TMCO5A: variants seen among roughly 807,000 people sequenced by gnomAD.
TMCO5A encodes the protein transmembrane and coiled-coil domains 5A.
A neutral mutation model predicts 42.3 loss-of-function variants in TMCO5A; 34 were observed. That is an observed-to-expected ratio of 0.80 (90% confidence interval 0.61 to 1.07). The LOEUF (loss-of-function observed/expected upper bound fraction) is 1.07, where lower values mean the gene tolerates loss of function less well. TMCO5A is among the 50% of genes least tolerant of loss of function. The pLI is 0.00. For missense variants in TMCO5A, 357 were observed against 327.9 expected (o/e 1.09, Z -0.69); for synonymous variants, 131 against 115.6 (o/e 1.13, Z -0.86).
chr15:38,025,162 G>A, the TMCO5A span: 5 of 147,488 alleles, frequency 3.4e-5, no homozygotes, highest in Non-Finnish European at 7.5e-5. Flanking sequence ...ACAGCTTTTG[G>A]GTGTGTGTGT....
At chr15:38,020,901 T>C in the TMCO5A span, among the ~76,000 whole-genome samples, 4,932 of 152,238 alleles carry the variant, frequency 0.032, 295 homozygotes, top group African/African-American at 0.11. Flanking sequence ...TTTAGTAAGG[T>C]TGGTTTCAGG....
At chr15:38,010,425 T>TCTCACACACACACACA in the TMCO5A span, among the ~76,000 whole-genome samples, 8,726 of 117,268 alleles carry the variant, frequency 0.074, 508 homozygotes, top group Non-Finnish European at 0.1. Flanking sequence ...CAGAGGGAGA[T>TCTCACACACACACACA]CACACACACA....
intron 11 of TMCO5A, among the ~76,000 whole-genome samples, chr15:37,950,028 G>A (rs1423601205): frequency 1.3e-5 from 2 of 152,178 alleles, no homozygotes; most frequent in African/African-American, 2.4e-5. Flanking sequence ...CCATAAGGCC[G>A]CTTGAGTGTC....
At chr15:37,935,954 G>A (rs1239610174) in intron 2 of TMCO5A, 1 of 158,964 alleles carries the variant, frequency 6.3e-6, no homozygotes, top group African/African-American at 2.4e-5. Flanking sequence ...AATGTGTATT[G>A]TATGAGCAGG....
chr15:37,981,562 G>C, the TMCO5A span, among the ~76,000 whole-genome samples: 48 of 152,160 alleles, frequency 3.2e-4, no homozygotes, highest in Non-Finnish European at 6.6e-4. Flanking sequence ...AGCGCATGTA[G>C]GTTCAGCTAC....
chr15:37,971,986 C>A (rs868569373), downstream of TMCO5A, among the ~76,000 whole-genome samples: 3 of 152,332 alleles, frequency 2.0e-5, no homozygotes, highest in South Asian at 2.1e-4. Context: ...TACCAAGTTC[C>A]AAAGTTGCTT....
chr15:37,950,797 G>T (rs901210189), intron 11 of TMCO5A, among the ~76,000 whole-genome samples: 16 of 151,944 alleles, frequency 1.1e-4, no homozygotes, highest in African/African-American at 3.9e-4. Flanking sequence ...AAAAATCAGA[G>T]AACAAAATTA....
the TMCO5A span, among the ~76,000 whole-genome samples, chr15:38,036,163 G>A: frequency 2.6e-5 from 4 of 152,118 alleles, no homozygotes; most frequent in African/African-American, 9.7e-5. Flanking sequence ...AAGTGACTTA[G>A]TTTAAGTTCC....
chr15:37,982,283 TTA>T, the TMCO5A span, among the ~76,000 whole-genome samples: 6 of 151,958 alleles, frequency 3.9e-5, no homozygotes, highest in Non-Finnish European at 1.5e-5. Flanking sequence ...GTGAATTTCT[TTA>T]TGAGGTCTCT....
the TMCO5A span, among the ~76,000 whole-genome samples, chr15:38,005,171 C>T: frequency 2.0e-5 from 3 of 150,572 alleles, no homozygotes; most frequent in Non-Finnish European, 4.4e-5. Context: ...CCTAAGGGCA[C>T]CTAGAGAGAG....
chr15:38,009,304 G>A, the TMCO5A span, among the ~76,000 whole-genome samples: 3 of 152,186 alleles, frequency 2.0e-5, no homozygotes, highest in Admixed American at 6.5e-5. Context: ...AGTGCTCAAA[G>A]CAATCAGTTC....
the TMCO5A span, among the ~76,000 whole-genome samples, chr15:38,023,492 G>A: frequency 1.3e-5 from 2 of 152,196 alleles, no homozygotes; most frequent in Non-Finnish European, 2.9e-5. Flanking sequence ...ATCCAAGAAT[G>A]TTTTAAAGGT....
At chr15:37,937,967 A>G (rs1163407034) in intron 5 of TMCO5A, among the ~76,000 whole-genome samples, 191 bp from the exon 6 acceptor site, 4 of 152,068 alleles carry the variant, frequency 2.6e-5, no homozygotes, top group Non-Finnish European at 5.9e-5. Flanking sequence ...GGACTCTAGC[A>G]TCAGTGGCCA....
chr15:38,027,755 A>G, the TMCO5A span, among the ~76,000 whole-genome samples: 1 of 152,118 alleles, frequency 6.6e-6, no homozygotes, highest in East Asian at 1.9e-4. Flanking sequence ...TCATGGGAAC[A>G]GTTTCCTCCA....
the TMCO5A span, among the ~76,000 whole-genome samples, chr15:38,014,144 C>A: frequency 1.3e-5 from 2 of 152,126 alleles, no homozygotes; most frequent in Non-Finnish European, 2.9e-5. Flanking sequence ...TTTAATCATA[C>A]CTGCAAAATA....
intron 9 of TMCO5A, 106 bp downstream of exon 9, chr15:37,942,361 C>A: frequency 9.7e-7 from 1 of 1,025,852 alleles, no homozygotes; most frequent in Non-Finnish European, 1.5e-6. Context: ...TGAATGAGTC[C>A]CGACGCCACA....
At chr15:37,965,941 A>C (rs1176008839) in intron 11 of TMCO5A, among the ~76,000 whole-genome samples, 3 of 152,174 alleles carry the variant, frequency 2.0e-5, no homozygotes, top group African/African-American at 7.2e-5. Context: ...TACATTGAAG[A>C]GCTATCTACA....
At chr15:37,950,899 T>C (rs1890132862) in intron 11 of TMCO5A, 137 bp from the exon 12 acceptor site, 1 of 699,830 alleles carries the variant, frequency 1.4e-6, no homozygotes, top group Non-Finnish European at 2.4e-6. Flanking sequence ...GCTGCCATTA[T>C]AAAAGGTTGT....
the TMCO5A span, among the ~76,000 whole-genome samples, chr15:38,005,171 C>A: frequency 1.3e-5 from 2 of 150,680 alleles, no homozygotes; most frequent in South Asian, 4.2e-4. Context: ...CCTAAGGGCA[C>A]CTAGAGAGAG....
Sources: gnomAD v4.1 joint callset for allele counts (sites outside exome capture counted in the v4.1 genomes callset) on GRCh38, gnomAD v4.1.1 for gene constraint, MANE v1.5 for transcripts, NCBI Gene and HGNC (gene_info 2026-07-23, HGNC 2026-07-21) for gene names.